Variants in MYOF observed in about 807,000 individuals in gnomAD.
The protein encoded by MYOF is fer-1-like 3, myoferlin.
A neutral mutation model predicts 284.2 loss-of-function variants in MYOF; 244 were observed. The observed-to-expected ratio is 0.86, with a 90% CI of 0.77 to 0.95. The LOEUF (loss-of-function observed/expected upper bound fraction) is 0.95, where lower values mean the gene tolerates loss of function less well. Among genes scored for constraint, MYOF ranks in the 40% least tolerant of loss-of-function variants. The pLI is 0.00. For synonymous variants in MYOF, 904 were observed against 919.7 expected, an observed-to-expected ratio of 0.98 and a Z score of 0.31; for missense variants, 2,496 against 2,560.6, an observed-to-expected ratio of 0.97 and a Z score of 0.54.
At chr10:93,332,750 G>C (rs1239906314) in intron 43 of MYOF, among the ~76,000 whole-genome samples, 1 of 152,002 alleles carries the variant, frequency 6.6e-6, no homozygotes, top group African/African-American at 2.4e-5. Context: ...GGGAGGCTGA[G>C]GCAGGAGAAT....
chr10:93,418,646 G>A (rs993312395), intron 5 of MYOF, among the ~76,000 whole-genome samples: 4 of 152,176 alleles, frequency 2.6e-5, no homozygotes, highest in Non-Finnish European at 4.4e-5. Context: ...CAAAATGTAC[G>A]ACTGCAGCGT....
chr10:93,394,259 A>G (rs929253650), intron 16 of MYOF, among the ~76,000 whole-genome samples: 10 of 150,718 alleles, frequency 6.6e-5, no homozygotes, highest in Non-Finnish European at 8.9e-5. Flanking sequence ...CTGCCACCAC[A>G]CCCGGCTAAT....
chr10:93,329,903 G>T (rs565668804), intron 43 of MYOF, 69 bp from the exon 44 acceptor site: 1 of 1,518,766 alleles, frequency 6.6e-7, no homozygotes, highest in African/African-American at 1.4e-5. Context: ...CTGGGGCTCT[G>T]TGCACAGAAT....
intron 30 of MYOF, among the ~76,000 whole-genome samples, chr10:93,356,431 A>C (rs1004756353): frequency 3.9e-5 from 6 of 152,218 alleles, no homozygotes; most frequent in African/African-American, 1.2e-4. Flanking sequence ...ATATTTGGAA[A>C]ACACTAGGTA....
chr10:93,477,435 T>C (rs901686740), intron 1 of MYOF, among the ~76,000 whole-genome samples: 42 of 151,746 alleles, frequency 2.8e-4, no homozygotes, highest in South Asian at 4.2e-4. Flanking sequence ...GAAGTTGCAG[T>C]GAACCGAGAT....
chr10:93,416,199 A>C (rs574388169), intron 5 of MYOF, among the ~76,000 whole-genome samples: 1 of 152,322 alleles, frequency 6.6e-6, no homozygotes, highest in East Asian at 1.9e-4. Context: ...TCATCCTGGC[A>C]TTCGCAAACA....
At chr10:93,307,781 C>T (rs1294527452) in intron 53 of MYOF, among the ~76,000 whole-genome samples, 3 of 151,132 alleles carry the variant, frequency 2.0e-5, no homozygotes, top group Non-Finnish European at 3.0e-5. Context: ...CCCACCAACA[C>T]GCTCTGCTAA....
In MYOF at chr10:93,366,460, CTTGAGTT is replaced by C. The variant is rs771876912; in HGVS notation, c.2678_2684del (p.Lys893ArgfsTer18). ...CTTTTGGAGGCAGAAAAAATTCCCT[CTTGAGTT>C]TTATTTTTCCTGTGACATCAGAAAA... On this transcript the variant is annotated frameshift_variant, in exon 26 of 54. Coordinates refer to ENST00000359263, the MANE Select transcript of MYOF (RefSeq NM_013451.4). LOFTEE classifies it high-confidence loss of function. 1.2e-5 allele frequency: 20 copies of C among 1,613,852 alleles called. No individual in the cohort carries two copies. Among genetic ancestry groups the C allele is most frequent in the Non-Finnish European group, 1.6e-5 (19 of 1,179,974 alleles).
intron 1 of MYOF, among the ~76,000 whole-genome samples, chr10:93,466,045 A>T (rs545861338): frequency 9.2e-4 from 140 of 152,264 alleles, no homozygotes; most frequent in Non-Finnish European, 1.5e-3. Context: ...GCAGCCTGGC[A>T]GCCTCCAGGA....
At chr10:93,323,416 C>A in intron 46 of MYOF, 58 bp from the exon 47 acceptor site, 1 of 1,415,960 alleles carries the variant, frequency 7.1e-7, no homozygotes, top group Middle Eastern at 2.1e-4. Flanking sequence ...GCAGAAGTCA[C>A]AATTTTCTTT....
chr10:93,377,896 T>C (rs1845911248), intron 21 of MYOF, among the ~76,000 whole-genome samples: 1 of 152,186 alleles, frequency 6.6e-6, no homozygotes, highest in Non-Finnish European at 1.5e-5. Flanking sequence ...AACCTTGTGG[T>C]ATTGGACTGG....
intron 17 of MYOF, among the ~76,000 whole-genome samples, chr10:93,391,334 T>C (rs528964290): frequency 5.8e-4 from 89 of 152,174 alleles, no homozygotes; most frequent in Non-Finnish European, 1.1e-3. Context: ...CTCACGCCTG[T>C]AATCCCAGTA....
At position 93,457,847 on chromosome 10, in the gene MYOF, C is replaced by T. The variant is rs543586370; in HGVS notation, c.89-910G>A. The stretch of plus-strand genomic sequence containing the variant: ...CTCCCAGCTCAAGAGATCCTCCCAC[C>T]TCGGCGCCCCATGTAGTTGGGACCA... On this transcript the variant is annotated intron_variant, in intron 1 of 53. Coordinates refer to ENST00000359263, the MANE Select transcript of MYOF (RefSeq NM_013451.4). 2.0e-5 allele frequency among the ~76,000 whole-genome samples: 3 copies of T among 151,842 alleles called. No individual in the cohort carries two copies. The South Asian group carries it at 6.3e-4, about 32-fold the overall frequency.
chr10:93,404,735 AGT>A (rs1315098131), intron 7 of MYOF, among the ~76,000 whole-genome samples: 1 of 151,604 alleles, frequency 6.6e-6, no homozygotes, highest in Non-Finnish European at 1.5e-5. Flanking sequence ...CATGACCTGG[AGT>A]GTGTTTTAAA....
intron 19 of MYOF, among the ~76,000 whole-genome samples, chr10:93,382,808 T>C (rs1330455777): frequency 6.6e-6 from 1 of 152,226 alleles, no homozygotes; most frequent in Non-Finnish European, 1.5e-5. Context: ...TGCCATGCAA[T>C]ACGATCCGCA....
chr10:93,430,663 T>C (rs1375371809), intron 4 of MYOF, among the ~76,000 whole-genome samples: 1 of 152,006 alleles, frequency 6.6e-6, no homozygotes, highest in East Asian at 1.9e-4. Context: ...CTACAGAATG[T>C]TTCAAAGAAT....
intron 4 of MYOF, among the ~76,000 whole-genome samples, chr10:93,427,212 C>CA (rs369906090): frequency 0.043 from 5,934 of 138,122 alleles, 380 homozygotes; most frequent in African/African-American, 0.15. Context: ...CAAAACAAAA[C>CA]AAAACAAAAA....
chr10:93,394,423 A>G (rs1226564463), intron 16 of MYOF, among the ~76,000 whole-genome samples: 3 of 120,586 alleles, frequency 2.5e-5, no homozygotes, highest in Non-Finnish European at 5.0e-5. Flanking sequence ...TAATTGTACT[A>G]TATCTCCTTT....
intron 51 of MYOF, among the ~76,000 whole-genome samples, chr10:93,310,912 G>C (rs1048508856): frequency 1.6e-4 from 25 of 151,828 alleles, no homozygotes; most frequent in African/African-American, 5.8e-4. Context: ...TCTCACATTG[G>C]TCTCCTTGTC....
Sources: gnomAD v4.1 joint callset for allele counts (sites outside exome capture counted in the v4.1 genomes callset) on GRCh38, gnomAD v4.1.1 for gene constraint, MANE v1.5 for transcripts, NCBI Gene and HGNC (gene_info 2026-07-23, HGNC 2026-07-21) for gene names.